The following ATRNL1 variants were observed in gnomAD, a reference collection of about 807,000 sequenced individuals.
ATRNL1 encodes attractin-like protein 1.
A neutral mutation model predicts 182.7 loss-of-function variants in ATRNL1; 95 were observed. That is an observed-to-expected ratio of 0.52 (90% CI 0.44 to 0.62). ATRNL1 has a LOEUF of 0.62. Ranked by LOEUF, ATRNL1 falls within the 20% of genes least tolerant of loss-of-function variation. The probability of loss-of-function intolerance (pLI) is 0.00; values close to 1 mark genes in which losing one functional copy is unlikely to be tolerated. For synonymous variants in ATRNL1, 576 were observed against 568.3 expected, an observed-to-expected ratio of 1.01 and a Z score of -0.19; for missense variants, 1,471 against 1,679.5, an observed-to-expected ratio of 0.88 and a Z score of 2.17.
intron 14 of ATRNL1, among the ~76,000 whole-genome samples, chr10:115,282,065 C>CATATG (rs1564877788): frequency 2.1e-5 from 3 of 143,462 alleles, no homozygotes; most frequent in Non-Finnish European, 4.5e-5. Flanking sequence ...TAATATGTAA[C>CATATG]ATATATTTAT....
intron 27 of ATRNL1, among the ~76,000 whole-genome samples, chr10:115,749,681 G>T (rs552349410): frequency 6.6e-6 from 1 of 151,692 alleles, no homozygotes; most frequent in Non-Finnish European, 1.5e-5. Flanking sequence ...TATTTGCCAG[G>T]TTTAGACCTT....
chr10:115,877,853 G>A (rs2134432261), intron 28 of ATRNL1, among the ~76,000 whole-genome samples: 1 of 152,288 alleles, frequency 6.6e-6, no homozygotes, highest in East Asian at 1.9e-4. Flanking sequence ...TATTAACTAA[G>A]TCCAAGAAAA....
intron 19 of ATRNL1, among the ~76,000 whole-genome samples, chr10:115,366,728 G>C (rs1302484774): frequency 4.0e-5 from 6 of 151,686 alleles, no homozygotes; most frequent in African/African-American, 1.5e-4. Context: ...TGACAAAATC[G>C]GTTAGCATTT....
chr10:115,822,448 A>G lies in ATRNL1; in HGVS notation c.3904-25429A>G, dbSNP rs190917560. 8.0e-4 allele frequency among the ~76,000 whole-genome samples: 122 copies of G among 152,284 alleles called. No individual in the cohort carries two copies. The Middle Eastern group carries it at 0.01, about 13-fold the overall frequency. Reference sequence around the variant, plus strand: ...TAAGATCAGAGCAGAACTGAAGGAGATAGAGAGACGAAAAACCCTTCAAAA... The same window carrying G: ...TAAGATCAGAGCAGAACTGAAGGAGGTAGAGAGACGAAAAACCCTTCAAAA... On this transcript the variant is annotated intron_variant, in intron 27 of 28. Coordinates refer to ENST00000355044, the MANE Select transcript of ATRNL1 (RefSeq NM_207303.4).
chr10:115,188,358 T>A (rs1248103118), intron 8 of ATRNL1, among the ~76,000 whole-genome samples: 1 of 152,160 alleles, frequency 6.6e-6, no homozygotes, highest in Non-Finnish European at 1.5e-5. Context: ...TTTGTCCTTT[T>A]TTGTTATACT....
At chr10:115,639,425 G>C (rs1859091893) in intron 26 of ATRNL1, among the ~76,000 whole-genome samples, 1 of 152,262 alleles carries the variant, frequency 6.6e-6, no homozygotes, top group South Asian at 2.1e-4. Flanking sequence ...AATGACAAAG[G>C]AAAGTAATTT....
At chr10:115,113,210 C>T (rs1172808731) in intron 1 of ATRNL1, among the ~76,000 whole-genome samples, 2 of 152,142 alleles carry the variant, frequency 1.3e-5, no homozygotes, top group Non-Finnish European at 2.9e-5. Flanking sequence ...ATAACATCTG[C>T]TTATTATGAG....
intron 26 of ATRNL1, among the ~76,000 whole-genome samples, chr10:115,662,357 T>C (rs1355373016): frequency 1.3e-5 from 2 of 152,144 alleles, no homozygotes; most frequent in Non-Finnish European, 2.9e-5. Context: ...TTTTACACTG[T>C]TGGTGGGACT....
chr10:115,750,442 G>T (rs1948416760), intron 27 of ATRNL1, among the ~76,000 whole-genome samples: 1 of 151,760 alleles, frequency 6.6e-6, no homozygotes, highest in Non-Finnish European at 1.5e-5. Context: ...AACTGAATCT[G>T]TTCCAAATGT....
chr10:115,165,472 G>T, intron 6 of ATRNL1, 86 bp from the exon 7 acceptor site: 2 of 592,560 alleles, frequency 3.4e-6, no homozygotes, highest in South Asian at 3.5e-5. Context: ...TGAATACTTG[G>T]ACACAAGTGA....
rs150496814 is a variant in ATRNL1, at chr10:115,868,585, C to T, written c.4018+20594C>T. On this transcript the variant is annotated intron_variant, in intron 28 of 28. Coordinates refer to ENST00000355044, the MANE Select transcript of ATRNL1 (RefSeq NM_207303.4). ...GAATGAATGAATGCATACTCTCTGCCTCTCATTTTACACACAGAGACACAG... is the reference window on the plus strand; with the variant it reads ...GAATGAATGAATGCATACTCTCTGCTTCTCATTTTACACACAGAGACACAG... Among the ~76,000 whole-genome samples, 792 of 152,228 alleles carry T rather than the reference C, an allele frequency of 5.2e-3. 7 individuals carry two copies. Among genetic ancestry groups the T allele is most frequent in the African/African-American group, 0.018 (743 of 41,542 alleles).
At chr10:115,920,817 T>C (rs1245146343) in intron 28 of ATRNL1, among the ~76,000 whole-genome samples, 1 of 152,190 alleles carries the variant, frequency 6.6e-6, no homozygotes, top group Admixed American at 6.5e-5. Flanking sequence ...ATTACGTAGA[T>C]ATTAACACTA....
intron 10 of ATRNL1, among the ~76,000 whole-genome samples, chr10:115,250,622 A>G (rs1210954532): frequency 6.6e-6 from 1 of 152,192 alleles, no homozygotes; most frequent in Non-Finnish European, 1.5e-5. Context: ...TAGAACACAA[A>G]GAGGCCTACC....
rs1011445683 is a variant in ATRNL1 at position 115,567,392 on chromosome 10, T to C, written c.3795+17856T>C. On this transcript the variant is annotated intron_variant, in intron 26 of 28. Coordinates refer to ENST00000355044, the MANE Select transcript of ATRNL1 (RefSeq NM_207303.4). The stretch of plus-strand genomic sequence containing the variant: ...GGATAAGTTTTTCTAAATGAAAACA[T>C]ATCTCATTTTGTCCTGAAGATTAAT... Among the ~76,000 whole-genome samples, 75 of 152,152 alleles carry C rather than the reference T, an allele frequency of 4.9e-4. 1 individual carries two copies. The highest frequency in any genetic ancestry group is 1.8e-3 in the African/African-American group (74 of 41,462).
At chr10:115,402,026 G>T (rs1468829177) in intron 20 of ATRNL1, among the ~76,000 whole-genome samples, 1 of 152,020 alleles carries the variant, frequency 6.6e-6, no homozygotes, top group Non-Finnish European at 1.5e-5. Flanking sequence ...CAGACACATT[G>T]TATACTCACA....
At chr10:115,243,460 C>G (rs192622151) in intron 10 of ATRNL1, among the ~76,000 whole-genome samples, 1 of 151,986 alleles carries the variant, frequency 6.6e-6, no homozygotes, top group African/African-American at 2.4e-5. Flanking sequence ...TTTAACCTAC[C>G]TTGTAGCATG....
At chr10:115,319,369 T>G (rs963029512) in intron 18 of ATRNL1, among the ~76,000 whole-genome samples, 38 of 152,238 alleles carry the variant, frequency 2.5e-4, no homozygotes, top group Admixed American at 3.3e-4. Context: ...TTCTGTTGAT[T>G]TGGGGTGGAG....
intron 13 of ATRNL1, among the ~76,000 whole-genome samples, chr10:115,271,121 T>C (rs1851841525): frequency 1.3e-5 from 2 of 151,532 alleles, no homozygotes; most frequent in Admixed American, 6.6e-5. Flanking sequence ...GAGCATCTTA[T>C]GTTACATGAT....
At chr10:115,862,839 A>G (rs1263894310) in intron 28 of ATRNL1, among the ~76,000 whole-genome samples, 2 of 152,216 alleles carry the variant, frequency 1.3e-5, no homozygotes, top group Non-Finnish European at 2.9e-5. Context: ...AATTTGGTAC[A>G]TGCATAAATG....
Sources: gnomAD v4.1 joint callset for allele counts (sites outside exome capture counted in the v4.1 genomes callset) on GRCh38, gnomAD v4.1.1 for gene constraint, MANE v1.5 for transcripts, NCBI Gene and HGNC (gene_info 2026-07-23, HGNC 2026-07-21) for gene names.